Variants in MAD1L1 observed in about 807,000 individuals in gnomAD.
The protein encoded by MAD1L1 is mitotic spindle assembly checkpoint protein MAD1.
MAD1L1 carries 95 observed loss-of-function variants against 96.9 expected under a neutral mutation model. The observed-to-expected ratio is 0.98, with a 90% CI of 0.83 to 1.16. The LOEUF (loss-of-function observed/expected upper bound fraction) is 1.16, where lower values mean the gene tolerates loss of function less well. MAD1L1 is among the 50% of genes most tolerant of loss of function. MAD1L1 has a pLI of 0.00. For synonymous variants in MAD1L1, 473 were observed against 396.6 expected, an observed-to-expected ratio of 1.19 and a Z score of -2.29; for missense variants, 1,007 against 954.4, an observed-to-expected ratio of 1.06 and a Z score of -0.73.
intron 10 of MAD1L1, among the ~76,000 whole-genome samples, chr7:2,194,801 C>G (rs1414474624): frequency 2.6e-5 from 4 of 152,114 alleles, no homozygotes; most frequent in Non-Finnish European, 5.9e-5. Flanking sequence ...GGGCTGGACG[C>G]AGTGGCTCAT....
At chr7:1,899,173 C>T (rs1787088868) in intron 17 of MAD1L1, among the ~76,000 whole-genome samples, 1 of 152,232 alleles carries the variant, frequency 6.6e-6, no homozygotes, top group South Asian at 2.1e-4. Context: ...TGGGGAGGAA[C>T]TGCTCTGCAG....
At chr7:1,961,021 T>G (rs1779929492) in intron 15 of MAD1L1, among the ~76,000 whole-genome samples, 1 of 151,980 alleles carries the variant, frequency 6.6e-6, no homozygotes, top group South Asian at 2.1e-4. Context: ...TCCAACACCA[T>G]GAAATACACA....
At chr7:2,125,555 G>A (rs1172112887) in intron 11 of MAD1L1, among the ~76,000 whole-genome samples, 2 of 152,178 alleles carry the variant, frequency 1.3e-5, no homozygotes, top group Admixed American at 1.3e-4. Context: ...GCGAGGGCCT[G>A]CTGTGGCAAA....
chr7:1,929,648 G>A (rs374994818), intron 17 of MAD1L1, among the ~76,000 whole-genome samples: 1 of 152,002 alleles, frequency 6.6e-6, no homozygotes, highest in Non-Finnish European at 1.5e-5. Context: ...ACCAGAGACA[G>A]CCCTTGGGGA....
chr7:2,099,265 C>T (rs2128549846), intron 11 of MAD1L1, among the ~76,000 whole-genome samples: 1 of 152,378 alleles, frequency 6.6e-6, no homozygotes, highest in Non-Finnish European at 1.5e-5. Context: ...ACAGCCCCGC[C>T]TGCCCTGTGC....
chr7:2,157,164 A>G (rs569830254), intron 10 of MAD1L1, among the ~76,000 whole-genome samples: 8 of 152,362 alleles, frequency 5.3e-5, no homozygotes, highest in Middle Eastern at 3.4e-3. Flanking sequence ...CATTTGATAT[A>G]TACTGGAACG....
At chr7:2,050,962 T>C (rs1197647544) in intron 12 of MAD1L1, among the ~76,000 whole-genome samples, 1 of 152,260 alleles carries the variant, frequency 6.6e-6, no homozygotes, top group Non-Finnish European at 1.5e-5. Flanking sequence ...CCTTTGAGCA[T>C]GACCATCAAT....
At chr7:1,907,235 C>A (rs1467921421) in intron 17 of MAD1L1, among the ~76,000 whole-genome samples, 1 of 152,230 alleles carries the variant, frequency 6.6e-6, no homozygotes, top group Non-Finnish European at 1.5e-5. Context: ...TCCTGCCCGA[C>A]CTGGACCGGT....
intron 11 of MAD1L1, among the ~76,000 whole-genome samples, chr7:2,112,110 C>A (rs1215926818): frequency 1.3e-5 from 2 of 152,162 alleles, no homozygotes; most frequent in Non-Finnish European, 2.9e-5. Flanking sequence ...CGCGGTGAGT[C>A]CCAAATGCAC....
chr7:2,132,385 G>A (rs1195836772), intron 11 of MAD1L1, among the ~76,000 whole-genome samples: 1 of 147,662 alleles, frequency 6.8e-6, no homozygotes, highest in South Asian at 2.2e-4. Context: ...GCGACCGCGC[G>A]TCCACCATCA....
chr7:1,854,074 C>T (rs112988176), intron 18 of MAD1L1, among the ~76,000 whole-genome samples: 3,495 of 152,304 alleles, frequency 0.023, 61 homozygotes, highest in Non-Finnish European at 0.037. Flanking sequence ...TCACGGGCGT[C>T]GGGTACATTT....
chr7:2,099,464 G>A (rs780603630), intron 11 of MAD1L1, among the ~76,000 whole-genome samples: 4 of 152,242 alleles, frequency 2.6e-5, no homozygotes, highest in Non-Finnish European at 4.4e-5. Context: ...TCTCCCAGCT[G>A]CAAATGTTCA....
At chr7:2,009,964 C>T (rs1782217838) in intron 13 of MAD1L1, among the ~76,000 whole-genome samples, 1 of 152,088 alleles carries the variant, frequency 6.6e-6, no homozygotes, top group Non-Finnish European at 1.5e-5. Context: ...TCGCGATTCC[C>T]ACTGAGGACC....
intron 6 of MAD1L1, 89 bp from the exon 7 acceptor site, chr7:2,218,132 C>T: frequency 1.0e-6 from 1 of 974,192 alleles, no homozygotes; most frequent in Non-Finnish European, 1.6e-6. Flanking sequence ...CCAGCACAGA[C>T]CCACATACGT....
At chr7:1,980,653 G>A (rs779812400) in intron 14 of MAD1L1, 112 bp from the exon 15 acceptor site, 1 of 799,078 alleles carries the variant, frequency 1.3e-6, no homozygotes, top group South Asian at 1.5e-5. Context: ...GCCCTGGGCT[G>A]GGAGCTGCGG....
At chr7:1,924,115 C>T (rs972834760) in intron 17 of MAD1L1, among the ~76,000 whole-genome samples, 9 of 152,316 alleles carry the variant, frequency 5.9e-5, no homozygotes, top group South Asian at 2.1e-4. Flanking sequence ...GCCAAGATGA[C>T]GGAGATGCTG....
intron 11 of MAD1L1, among the ~76,000 whole-genome samples, chr7:2,078,133 C>T (rs1038043039): frequency 8.5e-5 from 13 of 152,134 alleles, no homozygotes; most frequent in African/African-American, 2.4e-4. Flanking sequence ...GAGACCGGCA[C>T]GACAGACGCA....
intron 11 of MAD1L1, among the ~76,000 whole-genome samples, chr7:2,091,273 G>A (rs1050498760): frequency 6.6e-6 from 1 of 152,148 alleles, no homozygotes; most frequent in African/African-American, 2.4e-5. Flanking sequence ...AACAGTGCTT[G>A]GAAGCCCTGC....
At chr7:2,054,819 G>GTCA (rs2128519819) in intron 12 of MAD1L1, among the ~76,000 whole-genome samples, 1 of 152,346 alleles carries the variant, frequency 6.6e-6, no homozygotes, top group South Asian at 2.1e-4. Flanking sequence ...AACAAAGCAA[G>GTCA]GTCTGAAGCT....
Sources: allele counts gnomAD v4.1 joint callset (sites outside exome capture counted in the v4.1 genomes callset), GRCh38; gene constraint gnomAD v4.1.1; transcripts MANE v1.5; gene names NCBI Gene and HGNC (gene_info 2026-07-23, HGNC 2026-07-21).